Variants in TRAF2 observed in about 807,000 individuals in gnomAD.
TRAF2 encodes TNF receptor associated factor 2.
In TRAF2, 6 loss-of-function variants were observed where a neutral mutation model predicts 55.6. That is an observed-to-expected ratio of 0.11 (90% confidence interval 0.06 to 0.21). The LOEUF (loss-of-function observed/expected upper bound fraction) is 0.21, where lower values mean the gene tolerates loss of function less well. Ranked by LOEUF, TRAF2 falls within the 10% of genes least tolerant of loss-of-function variation. TRAF2 has a pLI of 1.00. For missense variants in TRAF2, 561 were observed against 684.5 expected (o/e 0.82, Z 2.01); for synonymous variants, 329 against 276.3 (o/e 1.19, Z -1.89).
intron 1 of TRAF2, 43 bp from the exon 2 acceptor site, chr9:136,898,670 T>G: frequency 6.2e-7 from 1 of 1,602,604 alleles, no homozygotes; most frequent in Non-Finnish European, 8.5e-7. Flanking sequence ...TCTCGAGGAC[T>G]GTTCTGGAAT....
chr9:136,886,582 C>A, intron 1 of TRAF2, 41 bp downstream of exon 1: 1 of 941,384 alleles, frequency 1.1e-6, no homozygotes, highest in Non-Finnish European at 1.3e-6. Context: ...CGGGCGCGGG[C>A]GCGGGGTCGG....
intron 10 of TRAF2, among the ~76,000 whole-genome samples, chr9:136,924,743 T>A (rs1320282758): frequency 6.6e-6 from 1 of 151,982 alleles, no homozygotes; most frequent in African/African-American, 2.4e-5. Flanking sequence ...GTCATTTATT[T>A]ATTTACTTAT....
chr9:136,924,335 G>A (rs940456798), intron 10 of TRAF2, among the ~76,000 whole-genome samples: 3 of 152,116 alleles, frequency 2.0e-5, no homozygotes, highest in Admixed American at 6.5e-5. Context: ...TGAGGTGGGA[G>A]GATTGCTTGA....
intron 4 of TRAF2, chr9:136,902,376 TGAG>T (rs1849841789): frequency 6.6e-6 from 1 of 152,510 alleles, no homozygotes; most frequent in South Asian, 2.1e-4. Flanking sequence ...TTGAGAGGAC[TGAG>T]GAGTGTCTGG....
At chr9:136,917,039 C>T (rs986501654) in intron 7 of TRAF2, among the ~76,000 whole-genome samples, 3 of 152,174 alleles carry the variant, frequency 2.0e-5, no homozygotes, top group Admixed American at 6.5e-5. Flanking sequence ...AGCAGGCACT[C>T]GGGCCCCTCC....
intron 9 of TRAF2, among the ~76,000 whole-genome samples, chr9:136,922,126 G>T (rs1850401184): frequency 2.0e-5 from 3 of 152,152 alleles, no homozygotes; most frequent in African/African-American, 7.2e-5. Flanking sequence ...CTGTGCTCTG[G>T]CGCCCTCGAG....
intron 6 of TRAF2, among the ~76,000 whole-genome samples, chr9:136,910,509 A>C (rs760407653): frequency 1.3e-5 from 2 of 152,162 alleles, no homozygotes; most frequent in African/African-American, 2.4e-5. Flanking sequence ...TGCAGATGAC[A>C]CCTTTAGGAA....
intron 6 of TRAF2, among the ~76,000 whole-genome samples, chr9:136,911,774 C>G (rs575097919): frequency 6.6e-6 from 1 of 151,108 alleles, no homozygotes; most frequent in Non-Finnish European, 1.5e-5. Flanking sequence ...CTGGCCCGTT[C>G]CAGAGGAGAA....
intron 7 of TRAF2, 136 bp from the exon 8 acceptor site, chr9:136,920,098 C>CA (rs1474064038): frequency 1.8e-6 from 2 of 1,127,504 alleles, no homozygotes; most frequent in African/African-American, 1.6e-5. Context: ...CAGCCATGAC[C>CA]AGGCCACCCA....
At chr9:136,899,429 G>A (rs1849764120) in intron 2 of TRAF2, among the ~76,000 whole-genome samples, 165 bp from the exon 3 acceptor site, 1 of 152,204 alleles carries the variant, frequency 6.6e-6, no homozygotes, top group Non-Finnish European at 1.5e-5. Flanking sequence ...TGTGAATACT[G>A]GGGTTTAAAA....
At chr9:136,884,015 G>C (rs1441545427), upstream of TRAF2, among the ~76,000 whole-genome samples, 1 of 151,890 alleles carries the variant, frequency 6.6e-6, no homozygotes, top group Non-Finnish European at 1.5e-5. Context: ...AGTAGAGACA[G>C]GGTTTCAACA....
At chr9:136,886,295 C>A, upstream of TRAF2, 1 of 694,966 alleles carries the variant, frequency 1.4e-6, no homozygotes, top group Non-Finnish European at 1.8e-6. Flanking sequence ...CACGCCGTCT[C>A]AGCGCCGACC....
chr9:136,895,570 A>C (rs990293667), intron 1 of TRAF2, among the ~76,000 whole-genome samples: 28 of 152,288 alleles, frequency 1.8e-4, no homozygotes, highest in Admixed American at 5.9e-4. Flanking sequence ...AAATGTTGGA[A>C]TGGGCCAGGC....
chr9:136,907,650 A>G (rs914588990), intron 4 of TRAF2, among the ~76,000 whole-genome samples: 8 of 151,858 alleles, frequency 5.3e-5, no homozygotes, highest in Non-Finnish European at 1.0e-4. Flanking sequence ...GGGACTGGCA[A>G]GACTCAGCCT....
At position 136,925,988 on chromosome 9, in the gene TRAF2, G is replaced by A; in HGVS notation, c.*87G>A. The A allele has an allele frequency of 6.6e-7, 1 of 1,520,286 alleles. No homozygotes were observed. The highest frequency in any genetic ancestry group is 9.1e-7 in the Non-Finnish European group (1 of 1,104,146). 94.2% of individuals were successfully genotyped at this position (1,520,286 alleles called of 1,614,324 possible). A position where few individuals can be genotyped will look rare whatever the true frequency, so the allele number is the denominator to read the frequency against. ...CACCACGCTGGGCCAGGGTCTCACT[G>A]TACAAGTGGGCAGGGGCCGCGCTTG... On this transcript the variant is annotated 3_prime_UTR_variant, in exon 11 of 11. Transcript: ENST00000247668.
intron 6 of TRAF2, among the ~76,000 whole-genome samples, chr9:136,915,275 A>G (rs1211399362): frequency 1.3e-5 from 2 of 152,188 alleles, no homozygotes; most frequent in South Asian, 2.1e-4. Flanking sequence ...GAAATGTGTC[A>G]GGCTCCCCGT....
rs1564419446 is a variant in TRAF2, at chr9:136,918,250, TA to T, written c.678+1636del. Among the ~76,000 whole-genome samples the T allele has an allele frequency of 4.0e-4, 24 of 60,510 alleles. No homozygotes were observed. In the Middle Eastern group the frequency reaches 0.021, roughly 53 times the overall value. The allele number at this position is 60,510 out of a possible 152,430, so 39.7% of individuals were successfully genotyped here. A position where few individuals can be genotyped will look rare whatever the true frequency, so the allele number is the denominator to read the frequency against. On this transcript the variant is annotated intron_variant, in intron 7 of 10. Coordinates refer to ENST00000247668, the MANE Select transcript of TRAF2 (RefSeq NM_021138.4). ...GTTTATATATATATATATATATATA[TA>T]TATATATTTATTTAATTAATTAATT...
At chr9:136,924,049 C>A in intron 10 of TRAF2, 49 bp downstream of exon 10, 1 of 1,598,648 alleles carries the variant, frequency 6.3e-7, no homozygotes, top group Non-Finnish European at 8.5e-7. Flanking sequence ...GGGAGTCCCT[C>A]TGGGCAGTGC....
intron 9 of TRAF2, among the ~76,000 whole-genome samples, chr9:136,921,569 A>G (rs1171515703): frequency 1.8e-4 from 25 of 136,288 alleles, no homozygotes; most frequent in African/African-American, 5.9e-4. Context: ...CCAGGAAGAC[A>G]GGGCGGGTGG....
Sources: allele counts gnomAD v4.1 joint callset (sites outside exome capture counted in the v4.1 genomes callset), GRCh38; gene constraint gnomAD v4.1.1; transcripts MANE v1.5; gene names NCBI Gene and HGNC (gene_info 2026-07-23, HGNC 2026-07-21).